Variants in EZH1 observed in about 807,000 individuals in gnomAD.
EZH1 encodes enhancer of zeste 1 polycomb repressive complex 2 subunit, also known as histone-lysine N-methyltransferase EZH1.
EZH1 carries 33 observed loss-of-function variants against 100.5 expected under a neutral mutation model. The observed-to-expected ratio is 0.33, with a 90% CI of 0.25 to 0.44. The LOEUF (loss-of-function observed/expected upper bound fraction) is 0.44. Ranked by LOEUF, EZH1 falls within the 20% of genes least tolerant of loss-of-function variation. The pLI is 1.00. For synonymous variants in EZH1, 272 were observed against 313.8 expected, an observed-to-expected ratio of 0.87 and a Z score of 1.41; for missense variants, 475 against 928.4, an observed-to-expected ratio of 0.51 and a Z score of 6.35.
At chr17:42,726,849 ATTAT>A (rs1304049889) in intron 4 of EZH1, among the ~76,000 whole-genome samples, 3 of 150,000 alleles carry the variant, frequency 2.0e-5, no homozygotes, top group Non-Finnish European at 4.4e-5. Context: ...TTATTTATTT[ATTAT>A]TTATTATTTT....
At chr17:42,708,245 T>G in intron 14 of EZH1, 162 bp from the exon 15 acceptor site, 1 of 759,058 alleles carries the variant, frequency 1.3e-6, no homozygotes, top group South Asian at 1.9e-5. Context: ...CCGTTGTTCA[T>G]AAGCTGCAGT....
intron 19 of EZH1, 54 bp from the exon 20 acceptor site, chr17:42,703,015 C>T: frequency 6.5e-7 from 1 of 1,543,860 alleles, no homozygotes; most frequent in Non-Finnish European, 9.0e-7. Context: ...AAGTCAATAA[C>T]CAGTAGGCTT....
chr17:42,703,353 T>C lies in EZH1; in HGVS notation c.2098+387A>G, dbSNP rs576913974. The C allele has an allele frequency of 4.9e-5, 14 of 287,926 alleles. No individual in the cohort carries two copies. The East Asian group carries it at 4.9e-4, about 10-fold the overall frequency. The allele number at this position is 287,926 out of a possible 1,614,324, so 17.8% of individuals were successfully genotyped here. ...CCACGCCCCCCAGCTGATTTTTGTA[T>C]TTTTAGTAGAGATGGGGTTTCACCA... On this transcript the variant is annotated intron_variant, in intron 19 of 20. Coordinates refer to ENST00000428826, the MANE Select transcript of EZH1 (RefSeq NM_001991.5).
intron 1 of EZH1, among the ~76,000 whole-genome samples, chr17:42,737,277 C>T (rs907178331): frequency 2.0e-5 from 3 of 152,324 alleles, no homozygotes; most frequent in Non-Finnish European, 2.9e-5. Context: ...TGAGCCACCG[C>T]GCCCAGCCTA....
chr17:42,708,133 G>C (rs1211912068), intron 14 of EZH1, 50 bp from the exon 15 acceptor site: 1 of 1,537,984 alleles, frequency 6.5e-7, no homozygotes, highest in Admixed American at 2.0e-5. Flanking sequence ...CTCTCCAGCT[G>C]TCTTCCCTCC....
chr17:42,713,869 C>T (rs1003506022), intron 10 of EZH1, among the ~76,000 whole-genome samples: 2 of 152,188 alleles, frequency 1.3e-5, no homozygotes, highest in Non-Finnish European at 2.9e-5. Flanking sequence ...AATTTGAGAA[C>T]ACATTCTCCT....
chr17:42,739,031 C>T (rs1212939591), intron 1 of EZH1, among the ~76,000 whole-genome samples: 2 of 152,162 alleles, frequency 1.3e-5, no homozygotes, highest in Non-Finnish European at 2.9e-5. Context: ...GCTGGGATTA[C>T]AGGCGTGAGC....
chr17:42,735,984 A>G (rs1377315500), intron 1 of EZH1, among the ~76,000 whole-genome samples: 3 of 149,484 alleles, frequency 2.0e-5, no homozygotes, highest in African/African-American at 5.0e-5. Context: ...CTCCGTCTCA[A>G]AAAAAAAAAG....
Position 42,700,918 on chromosome 17 carries a change from C to T in EZH1, c.*1614G>A, listed in dbSNP as rs2053227449. 6.6e-6 allele frequency: 1 copy of T among 152,408 alleles called. No homozygotes were observed. The highest frequency in any genetic ancestry group is 2.4e-5 in the African/African-American group (1 of 41,436). 9.4% of individuals were successfully genotyped at this position (152,408 alleles called of 1,614,324 possible). Reference sequence around the variant, plus strand: ...GGCAGCTGGGTCAGGAGGAACCCCACTTCTTCCTTCATGGGACAACAAGTG... The same window carrying T: ...GGCAGCTGGGTCAGGAGGAACCCCATTTCTTCCTTCATGGGACAACAAGTG... On this transcript the variant is annotated 3_prime_UTR_variant, in exon 21 of 21. Transcript: ENST00000428826.
At chr17:42,730,294 A>G (rs1462519485) in intron 2 of EZH1, among the ~76,000 whole-genome samples, 1 of 152,130 alleles carries the variant, frequency 6.6e-6, no homozygotes, top group Non-Finnish European at 1.5e-5. Context: ...TTTCATGGAA[A>G]GATCCACCCA....
chr17:42,743,141 T>G (rs952545620), intron 1 of EZH1, among the ~76,000 whole-genome samples: 3 of 151,904 alleles, frequency 2.0e-5, no homozygotes, highest in Non-Finnish European at 4.4e-5. Context: ...AGTGCTGGGA[T>G]TACAGGCCTG....
chr17:42,718,316 G>C lies in EZH1; in HGVS notation c.931+138C>G. The C allele has an allele frequency of 8.4e-7, 1 of 1,192,192 alleles. No homozygotes were observed. The highest frequency in any genetic ancestry group is 1.2e-6 in the Non-Finnish European group (1 of 862,742). The allele number at this position is 1,192,192 out of a possible 1,614,324, so 73.9% of individuals were successfully genotyped here. A position where few individuals can be genotyped will look rare whatever the true frequency, so the allele number is the denominator to read the frequency against. ...AGCATGTTGCACTATAATTGAGCAA[G>C]GGAAAATAGAACTGGCCCTTTGTAA... On this transcript the variant is annotated intron_variant, in intron 9 of 20. Transcript: ENST00000428826. This position sits in a 1 kb window ranked among gnomAD's most constrained non-coding sequence, Gnocchi z 4.2.
At chr17:42,725,918 G>T (rs540936632) in intron 4 of EZH1, among the ~76,000 whole-genome samples, 1 of 152,120 alleles carries the variant, frequency 6.6e-6, no homozygotes, top group East Asian at 1.9e-4. Flanking sequence ...TCACTCTGTC[G>T]CCCAGGCTGG....
At position 42,703,784 on chromosome 17, in the gene EZH1, AT is replaced by A; in HGVS notation, c.2053del (p.Ile685PhefsTer8). The A allele has an allele frequency of 6.2e-7, 1 of 1,614,170 alleles. No homozygotes were observed. Among genetic ancestry groups the A allele is most frequent in the Non-Finnish European group, 8.5e-7 (1 of 1,179,994 alleles). ...ATTCACTGAATGATTTGCAAATCGA[AT>A]TTTGTTTCCTTTCCGAGTAGCATCC... ...VVDATRKGNKIRFANHSVNPN... is the reference protein window; with the variant it reads ...VVDATRKGNKXRFANHSVNPN... On this transcript the variant is annotated frameshift_variant, in exon 19 of 21. Transcript: ENST00000428826. LOFTEE classifies it high-confidence loss of function.
At chr17:42,742,506 G>A (rs1454273279) in intron 1 of EZH1, among the ~76,000 whole-genome samples, 1 of 152,046 alleles carries the variant, frequency 6.6e-6, no homozygotes, top group East Asian at 1.9e-4. Context: ...TACACTTTAA[G>A]GAATTTTAAG....
chr17:42,737,618 A>C (rs1056311528), intron 1 of EZH1, among the ~76,000 whole-genome samples: 32 of 152,232 alleles, frequency 2.1e-4, no homozygotes, highest in African/African-American at 7.7e-4. Context: ...ACAAACCAAA[A>C]ACAAACAAAC....
intron 6 of EZH1, 129 bp downstream of exon 6, chr17:42,722,666 T>C: frequency 1.2e-6 from 1 of 838,288 alleles, no homozygotes; most frequent in Non-Finnish European, 1.7e-6. Context: ...AGCCATGTGA[T>C]GACATTGAAA....
chr17:42,708,497 A>G (rs1385528188), intron 14 of EZH1, among the ~76,000 whole-genome samples: 2 of 152,028 alleles, frequency 1.3e-5, no homozygotes, highest in Non-Finnish European at 2.9e-5. Flanking sequence ...TCTACTAAAA[A>G]TACAAAAATT....
intron 17 of EZH1, 110 bp downstream of exon 17, chr17:42,704,978 C>T: frequency 1.0e-6 from 1 of 963,818 alleles, no homozygotes; most frequent in East Asian, 2.5e-5. Flanking sequence ...CACGTGAGAA[C>T]ACAGCTGAGT....
Sources: allele counts gnomAD v4.1 joint callset (sites outside exome capture counted in the v4.1 genomes callset), GRCh38; gene constraint gnomAD v4.1.1; non-coding constraint Gnocchi (gnomAD v3.1); transcripts MANE v1.5; gene names NCBI Gene and HGNC (gene_info 2026-07-23, HGNC 2026-07-21).